The following UNC5C variants were observed in gnomAD, a reference collection of about 807,000 sequenced individuals.
The protein encoded by UNC5C is netrin receptor UNC5C.
In UNC5C, 47 loss-of-function variants were observed where a neutral mutation model predicts 99.8. That is an observed-to-expected ratio of 0.47 (90% CI 0.37 to 0.60). The LOEUF (loss-of-function observed/expected upper bound fraction) is 0.60. UNC5C is among the 20% of genes least tolerant of loss of function. The pLI is 0.00. For synonymous variants in UNC5C, 487 were observed against 452.2 expected (o/e 1.08, Z -0.98); for missense variants, 1,062 against 1,165.9 (o/e 0.91, Z 1.30).
At chr4:95,280,755 T>G (rs1021655139) in intron 3 of UNC5C, among the ~76,000 whole-genome samples, 2 of 152,120 alleles carry the variant, frequency 1.3e-5, no homozygotes, top group Non-Finnish European at 2.9e-5. Context: ...AACTTTAAAG[T>G]TATCTAAACC....
chr4:95,193,934 C>T (rs1362500487), intron 12 of UNC5C, among the ~76,000 whole-genome samples: 4 of 151,938 alleles, frequency 2.6e-5, no homozygotes, highest in Admixed American at 1.3e-4. Flanking sequence ...CCTGTGTTCA[C>T]GCCAGGGTGC....
At chr4:95,204,278 T>C (rs909089824) in intron 11 of UNC5C, among the ~76,000 whole-genome samples, 2 of 152,250 alleles carry the variant, frequency 1.3e-5, no homozygotes, top group African/African-American at 4.8e-5. Context: ...GATTCATCTA[T>C]ATGGTTCAGG....
intron 2 of UNC5C, among the ~76,000 whole-genome samples, chr4:95,326,012 G>T (rs1335670453): frequency 6.6e-6 from 1 of 152,118 alleles, no homozygotes; most frequent in Non-Finnish European, 1.5e-5. Flanking sequence ...AAGAGCAAAG[G>T]TTTTGGAAGC....
chr4:95,170,260 A>T lies in UNC5C; in HGVS notation c.2524T>A (p.Phe842Ile), dbSNP rs1233657813. 2 of 1,614,092 alleles carry T rather than the reference A, an allele frequency of 1.2e-6. No individual in the cohort carries two copies. The highest frequency in any genetic ancestry group is 2.7e-5 in the African/African-American group (2 of 75,018). Residue 842 changes from phenylalanine to isoleucine, a missense_variant, in exon 15 of 16, where the codon TTC becomes ATC. Physicochemically the swap from Phe to Ile is conservative, Grantham distance 21. Transcript: ENST00000453304. Reference protein sequence around the residue: ...TITTVTGPSAFSIPLPIRQKL... With the variant: ...TITTVTGPSAISIPLPIRQKL... ...TGCCGGATAGGGAGAGGGATGCTGA[A>T]AGCACTGGGCCCCGTGACCGTGGTG...
chr4:95,425,440 G>C (rs1360176760), intron 1 of UNC5C, among the ~76,000 whole-genome samples: 1 of 152,216 alleles, frequency 6.6e-6, no homozygotes, highest in East Asian at 1.9e-4. Context: ...TCCTGCTTCA[G>C]CGTCGCGAGT....
At chr4:95,423,197 T>A (rs1234310128) in intron 1 of UNC5C, among the ~76,000 whole-genome samples, 1 of 152,164 alleles carries the variant, frequency 6.6e-6, no homozygotes, top group African/African-American at 2.4e-5. Context: ...AAAAATCATG[T>A]GAGTAGACTG....
At chr4:95,424,794 A>G (rs1746429868) in intron 1 of UNC5C, among the ~76,000 whole-genome samples, 1 of 151,912 alleles carries the variant, frequency 6.6e-6, no homozygotes, top group Non-Finnish European at 1.5e-5. Flanking sequence ...AAGTGCTGGG[A>G]TTACAGGAGT....
At chr4:95,421,918 C>G (rs1365539290) in intron 1 of UNC5C, among the ~76,000 whole-genome samples, 4 of 152,142 alleles carry the variant, frequency 2.6e-5, no homozygotes, top group Non-Finnish European at 4.4e-5. Flanking sequence ...TACTTTACTA[C>G]TAAGACAGGA....
At chr4:95,495,151 T>C (rs1721597088) in intron 1 of UNC5C, among the ~76,000 whole-genome samples, 2 of 151,526 alleles carry the variant, frequency 1.3e-5, no homozygotes, top group African/African-American at 4.8e-5. Context: ...AAAGGGCAAA[T>C]TATTGTTCTC....
intron 12 of UNC5C, 103 bp from the exon 13 acceptor site, chr4:95,185,299 G>A (rs972780087): frequency 6.7e-5 from 95 of 1,416,064 alleles, no homozygotes; most frequent in South Asian, 2.3e-4. Context: ...AATGGCAGGC[G>A]GAACTTGTGC....
At chr4:95,463,244 G>A (rs1747661017) in intron 1 of UNC5C, among the ~76,000 whole-genome samples, 1 of 152,122 alleles carries the variant, frequency 6.6e-6, no homozygotes, top group Non-Finnish European at 1.5e-5. Context: ...TGCGGGGACT[G>A]CAGAGCCGCT....
intron 1 of UNC5C, among the ~76,000 whole-genome samples, chr4:95,370,928 C>G (rs1482038405): frequency 1.3e-5 from 2 of 152,128 alleles, no homozygotes; most frequent in Non-Finnish European, 2.9e-5. Context: ...AGAGGGAAAG[C>G]TATAGGTTTA....
At chr4:95,290,175 A>C (rs1365976251) in intron 3 of UNC5C, among the ~76,000 whole-genome samples, 1 of 151,942 alleles carries the variant, frequency 6.6e-6, no homozygotes, top group African/African-American at 2.4e-5. Context: ...GTATGGTAGT[A>C]GGTATCTGTA....
chr4:95,342,542 G>A (rs985220294), intron 1 of UNC5C, among the ~76,000 whole-genome samples: 3 of 152,034 alleles, frequency 2.0e-5, no homozygotes, highest in Non-Finnish European at 2.9e-5. Context: ...GTTCTGGGGT[G>A]AGACTCAGAG....
intron 2 of UNC5C, among the ~76,000 whole-genome samples, chr4:95,313,902 T>A (rs910956192): frequency 2.0e-5 from 3 of 152,242 alleles, no homozygotes; most frequent in African/African-American, 7.2e-5. Flanking sequence ...ACGTATTGGC[T>A]GACTTTTGGC....
At chr4:95,477,776 C>A (rs538620488) in intron 1 of UNC5C, among the ~76,000 whole-genome samples, 1 of 151,888 alleles carries the variant, frequency 6.6e-6, no homozygotes, top group African/African-American at 2.4e-5. Flanking sequence ...GACACAGATG[C>A]CTTTAGTTGT....
chr4:95,407,441 C>T (rs1448880976), intron 1 of UNC5C, among the ~76,000 whole-genome samples: 3 of 152,000 alleles, frequency 2.0e-5, no homozygotes, highest in Admixed American at 6.6e-5. Context: ...CGCAGGTGGA[C>T]ACCTCACTTG....
intron 1 of UNC5C, among the ~76,000 whole-genome samples, chr4:95,478,961 CT>C (rs1307661093): frequency 2.0e-5 from 3 of 151,908 alleles, no homozygotes; most frequent in African/African-American, 2.4e-5. Context: ...CCTATTCCCC[CT>C]CTCATCATGT....
chr4:95,548,374 G>A (rs538236756), intron 1 of UNC5C, among the ~76,000 whole-genome samples: 30 of 151,986 alleles, frequency 2.0e-4, no homozygotes, highest in African/African-American at 7.2e-4. Context: ...CACCCGCACC[G>A]AGAGTCTTTC....
Sources: allele counts gnomAD v4.1 joint callset (sites outside exome capture counted in the v4.1 genomes callset), GRCh38; gene constraint gnomAD v4.1.1; transcripts MANE v1.5; gene names NCBI Gene and HGNC (gene_info 2026-07-23, HGNC 2026-07-21).